LSR: variants seen among roughly 807,000 people sequenced by gnomAD.
LSR encodes lipolysis stimulated lipoprotein receptor.
In LSR, 44 loss-of-function variants were observed where a neutral mutation model predicts 61.8. The ratio of observed to expected loss-of-function variants is 0.71; its 90% CI spans 0.56 to 0.91. The LOEUF (loss-of-function observed/expected upper bound fraction) is 0.91, where lower values mean the gene tolerates loss of function less well. Ranked by LOEUF, LSR falls within the 40% of genes least tolerant of loss-of-function variation. LSR has a pLI of 0.00. For missense variants in LSR, 911 were observed against 830.5 expected (o/e 1.10, Z -1.19); for synonymous variants, 397 against 350.6 (o/e 1.13, Z -1.48).
At chr19:35,257,144 G>T (rs1057372866) in intron 2 of LSR, among the ~76,000 whole-genome samples, 1 of 152,114 alleles carries the variant, frequency 6.6e-6, no homozygotes, top group Non-Finnish European at 1.5e-5. Context: ...GGCCAAGAGG[G>T]TGTTCATTTC....
chr19:35,260,043 T>C (rs2065906717), intron 3 of LSR, among the ~76,000 whole-genome samples: 1 of 152,024 alleles, frequency 6.6e-6, no homozygotes, highest in Admixed American at 6.5e-5. Flanking sequence ...AGCACGTGAC[T>C]GGGGGGTACT....
chr19:35,254,517 G>T (rs1271786760), intron 2 of LSR, among the ~76,000 whole-genome samples: 1 of 152,222 alleles, frequency 6.6e-6, no homozygotes, highest in Non-Finnish European at 1.5e-5. Flanking sequence ...TGATGGACCA[G>T]CACCTGGACA....
At chr19:35,264,609 A>G (rs578109645) in intron 5 of LSR, 1 of 152,344 alleles carries the variant, frequency 6.6e-6, no homozygotes, top group South Asian at 2.1e-4. Flanking sequence ...CTGTGTGCAC[A>G]CAGTCCAAGA....
chr19:35,266,269 T>G, intron 5 of LSR, 90 bp from the exon 6 acceptor site: 1 of 1,072,804 alleles, frequency 9.3e-7, no homozygotes, highest in Non-Finnish European at 1.3e-6. Context: ...GGGAAGGAGG[T>G]CCAGGCCCAG....
intron 8 of LSR, 25 bp downstream of exon 8, chr19:35,266,992 G>A (rs2066012388): frequency 1.3e-6 from 2 of 1,594,526 alleles, no homozygotes; most frequent in East Asian, 2.2e-5. Flanking sequence ...TGGGGTCTGA[G>A]GGCTTTTAAG....
In LSR at chr19:35,250,296, TCTCTCCTCTTGCC is replaced by T. The variant is rs1568439213; in HGVS notation, c.110-15_110-3del. ...CCTGAGCTCACAGCAACCCTTGCTG[TCTCTCCTCTTGCC>T]CTCAGCTCCTGCCAGGGCCATCCAG... On this transcript the variant is annotated splice_polypyrimidine_tract_variant and splice_region_variant and intron_variant, in intron 1 of 9. Transcript: ENST00000605618. 7 of 1,502,482 alleles carry T rather than the reference TCTCTCCTCTTGCC, an allele frequency of 4.7e-6. No homozygotes were observed. The South Asian group carries it at 9.4e-5, about 20-fold the overall frequency. 93.1% of individuals were successfully genotyped at this position (1,502,482 alleles called of 1,614,324 possible). A position where few individuals can be genotyped will look rare whatever the true frequency, so the allele number is the denominator to read the frequency against.
At chr19:35,265,703 A>T (rs1039066045) in intron 5 of LSR, among the ~76,000 whole-genome samples, 1 of 152,138 alleles carries the variant, frequency 6.6e-6, no homozygotes, top group African/African-American at 2.4e-5. Flanking sequence ...GCAGGCAGAA[A>T]TGGGTGCAGT....
rs778452878 is a variant in LSR, at chr19:35,251,843, C to CTTTTTTTTTTTTTTTTTTTTTTTTT, written c.454+1193_454+1194insTTTTTTTTTTTTTTTTTTTTTTTTT. 56 of 121,546 alleles carry CTTTTTTTTTTTTTTTTTTTTTTTTT rather than the reference C, an allele frequency of 4.6e-4. 4 individuals carry two copies. Among genetic ancestry groups the CTTTTTTTTTTTTTTTTTTTTTTTTT allele is most frequent in the African/African-American group, 9.4e-4 (30 of 31,748 alleles). 7.5% of individuals were successfully genotyped at this position (121,546 alleles called of 1,614,324 possible). ...CCCAGGCAGCCCTGAGAACCTTGTTCTTTTTTTTTGAGACGGAGTCTCGCT... is the reference window on the plus strand; with the variant it reads ...CCCAGGCAGCCCTGAGAACCTTGTTCTTTTTTTTTTTTTTTTTTTTTTTTTTTTTTTTTTGAGACGGAGTCTCGCT... On this transcript the variant is annotated intron_variant, in intron 2 of 9. Coordinates refer to ENST00000605618, the MANE Select transcript of LSR (RefSeq NM_205834.4).
chr19:35,266,990 G>C, intron 8 of LSR, 23 bp downstream of exon 8: 2 of 1,597,912 alleles, frequency 1.3e-6, no homozygotes, highest in Non-Finnish European at 1.7e-6. Context: ...CTTGGGGTCT[G>C]AGGGCTTTTA....
rs183075159 is a variant in LSR, at chr19:35,256,039, C to G, written c.455-2906C>G. ...CTTGAGGTCAGGAGTTCCAGACCTG[C>G]CTGGCCAACACAGTGAAAAACCTGT... On this transcript the variant is annotated intron_variant, in intron 2 of 9. Transcript: ENST00000605618. Among the ~76,000 whole-genome samples the G allele has an allele frequency of 2.0e-5, 3 of 152,234 alleles. No homozygotes were observed. In the East Asian group the frequency reaches 5.8e-4, roughly 29 times the overall value.
intron 2 of LSR, among the ~76,000 whole-genome samples, chr19:35,256,725 T>G (rs1047984731): frequency 1.3e-3 from 186 of 148,246 alleles, no homozygotes; most frequent in Non-Finnish European, 2.1e-3. Flanking sequence ...AATGAATGAA[T>G]GAATGAAAGA....
At chr19:35,251,413 G>C (rs1162942058) in intron 2 of LSR, 1 of 152,220 alleles carries the variant, frequency 6.6e-6, no homozygotes, top group Non-Finnish European at 1.5e-5. Flanking sequence ...GGTCTACTGT[G>C]TGCTAAGCTC....
At chr19:35,252,465 A>G (rs1055164970) in intron 2 of LSR, among the ~76,000 whole-genome samples, 3 of 151,646 alleles carry the variant, frequency 2.0e-5, no homozygotes, top group African/African-American at 4.8e-5. Context: ...CCTGGCCAAC[A>G]TGGTGAAACC....
At chr19:35,257,570 C>T (rs966228281) in intron 2 of LSR, among the ~76,000 whole-genome samples, 3 of 152,076 alleles carry the variant, frequency 2.0e-5, no homozygotes, top group Non-Finnish European at 4.4e-5. Context: ...GACTGCAGCA[C>T]GCGTGGTTGC....
intron 2 of LSR, 50 bp downstream of exon 2, chr19:35,250,709 G>C (rs755802248): frequency 5.2e-5 from 74 of 1,430,990 alleles, no homozygotes; most frequent in Non-Finnish European, 6.6e-5. Flanking sequence ...CGGGTGGTGG[G>C]ACTGGCGTCC....
chr19:35,252,360 T>C (rs8100411), intron 2 of LSR, among the ~76,000 whole-genome samples: 27,079 of 151,712 alleles, frequency 0.18, 2,775 homozygotes, highest in African/African-American at 0.26. Context: ...AGTATGAGAA[T>C]TTCAAAGTCT....
At chr19:35,249,237 C>T in intron 1 of LSR, 106 bp downstream of exon 1, 1 of 1,362,960 alleles carries the variant, frequency 7.3e-7, no homozygotes, top group East Asian at 2.6e-5. Context: ...GTCTCAGAGG[C>T]TGGGACCTTC....
In LSR at chr19:35,267,446, C is replaced by T. The variant is rs2066031611; in HGVS notation, c.1482C>T (p.Asp494=). Residue 494 remains aspartate, a synonymous_variant, in exon 9 of 10, where the codon GAC becomes GAT. Transcript: ENST00000605618. ...DDLYDQDDSR[D]FPRSRDPHYD... The stretch of plus-strand genomic sequence containing the variant: ...TCTATGACCAAGACGACTCGAGGGA[C>T]TTCCCACGCTCCCGGGACCCCCACT... 1 of 1,610,804 alleles carries T rather than the reference C, an allele frequency of 6.2e-7. No individual in the cohort carries two copies. The highest frequency in any genetic ancestry group is 2.2e-5 in the East Asian group (1 of 44,834).
At position 35,267,422 on chromosome 19, in the gene LSR, C is replaced by G; in HGVS notation, c.1458C>G (p.Leu486=). ...CGCGGAGCCGCAGCCGGGACGACCT[C>G]TATGACCAAGACGACTCGAGGGACT... is the stretch of plus-strand genomic sequence containing the variant. The part of the protein sequence containing the change: ...MPPRSRSRDD[L]YDQDDSRDFP... The change falls in exon 9 of 10, where the codon CTC becomes CTG. Residue 486 remains leucine (L), a synonymous_variant. Transcript: ENST00000605618. 1 of 1,610,698 alleles carries G rather than the reference C, an allele frequency of 6.2e-7. No homozygotes were observed. Among genetic ancestry groups the G allele is most frequent in the Non-Finnish European group, 8.5e-7 (1 of 1,179,324 alleles).
Sources: gnomAD v4.1 joint callset for allele counts (sites outside exome capture counted in the v4.1 genomes callset) on GRCh38, gnomAD v4.1.1 for gene constraint, MANE v1.5 for transcripts, NCBI Gene and HGNC (gene_info 2026-07-23, HGNC 2026-07-21) for gene names.